RBMS3: variants seen among roughly 807,000 people sequenced by gnomAD.
RBMS3 encodes RNA-binding motif, single-stranded-interacting protein 3.
Under a neutral mutation model 66.8 loss-of-function variants are expected in RBMS3, and 27 were observed. That is an observed-to-expected ratio of 0.40 (90% CI 0.30 to 0.56). The LOEUF is 0.56. Ranked by LOEUF, RBMS3 falls within the 20% of genes least tolerant of loss-of-function variation. The pLI is 0.40. For missense variants in RBMS3, 513 were observed against 549.5 expected (o/e 0.93, Z 0.66); for synonymous variants, 188 against 183.0 (o/e 1.03, Z -0.22).
intron 6 of RBMS3, among the ~76,000 whole-genome samples, chr3:29,830,930 T>C (rs2058354881): frequency 6.6e-6 from 1 of 152,130 alleles, no homozygotes; most frequent in South Asian, 2.1e-4. Flanking sequence ...AGATTCCAGA[T>C]TTCTGTGTCC....
rs1324640882 is a variant in RBMS3 at position 29,470,320 on chromosome 3, ATCAAAAGAAGTCTTCAGAAGTCAAAGAC to A, written c.249-18100_249-18073del. On this transcript the variant is annotated intron_variant, in intron 2 of 14. Transcript: ENST00000383767. ...CAATTGAAATTCTATAGTTTCAAAG[ATCAAAAGAAGTCTTCAGAAGTCAAAGAC>A]TCAAAAGAAGTCTTCAGAAGACATG... Among the ~76,000 whole-genome samples, 8 of 152,128 alleles carry A rather than the reference ATCAAAAGAAGTCTTCAGAAGTCAAAGAC, an allele frequency of 5.3e-5. No individual in the cohort carries two copies. The East Asian group carries it at 1.5e-3, about 29-fold the overall frequency.
chr3:29,304,016 T>C (rs753702468), intron 1 of RBMS3, among the ~76,000 whole-genome samples: 11 of 151,978 alleles, frequency 7.2e-5, no homozygotes, highest in Non-Finnish European at 1.6e-4. Context: ...ACTGCCCCCA[T>C]GATTCAAATT....
At chr3:29,917,475 G>A (rs909897745) in intron 10 of RBMS3, among the ~76,000 whole-genome samples, 2 of 152,072 alleles carry the variant, frequency 1.3e-5, no homozygotes, top group African/African-American at 2.4e-5. Context: ...TATAAATTAT[G>A]TATAGTCCCT....
intron 6 of RBMS3, among the ~76,000 whole-genome samples, chr3:29,843,455 C>A (rs902966254): frequency 6.6e-6 from 1 of 152,280 alleles, no homozygotes; most frequent in East Asian, 1.9e-4. Flanking sequence ...GAACTGAATT[C>A]ATAGGTATGT....
intron 3 of RBMS3, among the ~76,000 whole-genome samples, chr3:29,536,298 A>G (rs913284684): frequency 2.0e-5 from 3 of 152,226 alleles, no homozygotes. Flanking sequence ...TTGTATGTGC[A>G]TGTGACTATT....
intron 3 of RBMS3, among the ~76,000 whole-genome samples, chr3:29,561,787 A>C (rs2046565701): frequency 6.6e-6 from 1 of 152,130 alleles, no homozygotes; most frequent in Non-Finnish European, 1.5e-5. Flanking sequence ...GACTGGTATT[A>C]GATGGTGTGG....
chr3:29,764,231 A>T (rs2055829412), intron 6 of RBMS3, among the ~76,000 whole-genome samples: 2 of 152,012 alleles, frequency 1.3e-5, no homozygotes, highest in Admixed American at 6.6e-5. Context: ...TACAGTGAAG[A>T]CTGTGCCTTG....
At chr3:29,640,276 A>ACC (rs982379240) in intron 4 of RBMS3, among the ~76,000 whole-genome samples, 6 of 150,560 alleles carry the variant, frequency 4.0e-5, no homozygotes, top group African/African-American at 1.5e-4. Flanking sequence ...ACACACACAC[A>ACC]CACACACACC....
At chr3:29,643,206 CCA>C (rs1255469057) in intron 4 of RBMS3, among the ~76,000 whole-genome samples, 2 of 152,044 alleles carry the variant, frequency 1.3e-5, no homozygotes, top group South Asian at 2.1e-4. Flanking sequence ...AATCTGACAG[CCA>C]CAGTCAGGGA....
intron 10 of RBMS3, among the ~76,000 whole-genome samples, chr3:29,907,784 A>T (rs1476377559): frequency 6.6e-6 from 1 of 152,150 alleles, no homozygotes; most frequent in African/African-American, 2.4e-5. Context: ...AACAATTTTA[A>T]ATAGCATTAA....
intron 4 of RBMS3, among the ~76,000 whole-genome samples, chr3:29,725,121 C>G (rs768001136): frequency 3.3e-5 from 5 of 152,148 alleles, no homozygotes; most frequent in Non-Finnish European, 5.9e-5. Flanking sequence ...CCACGAGTAC[C>G]TCCATTTGTT....
chr3:29,626,068 T>G lies in RBMS3; in HGVS notation c.399+38863T>G, dbSNP rs112775532. 2.2e-3 allele frequency among the ~76,000 whole-genome samples: 337 copies of G among 152,312 alleles called. 2 individuals carry two copies. The highest frequency in any genetic ancestry group is 7.7e-3 in the African/African-American group (319 of 41,572). ...TGTGTATGTGATGGGTGCCTATGCT[T>G]AATTACATGAGCATTTGATTATAAA... On this transcript the variant is annotated intron_variant, in intron 4 of 14. Transcript: ENST00000383767.
chr3:29,842,890 A>G (rs1276419928), intron 6 of RBMS3, among the ~76,000 whole-genome samples: 1 of 152,240 alleles, frequency 6.6e-6, no homozygotes, highest in African/African-American at 2.4e-5. Flanking sequence ...GCTTGCCTAA[A>G]GCCTCCAGAA....
intron 6 of RBMS3, among the ~76,000 whole-genome samples, chr3:29,788,026 C>T (rs888440930): frequency 4.6e-5 from 7 of 152,126 alleles, no homozygotes; most frequent in African/African-American, 1.7e-4. Context: ...TCTTTCTTTC[C>T]TGTGACACAG....
intron 4 of RBMS3, among the ~76,000 whole-genome samples, chr3:29,648,022 A>C (rs983224371): frequency 6.6e-6 from 1 of 152,084 alleles, no homozygotes; most frequent in African/African-American, 2.4e-5. Context: ...AAATAATGAG[A>C]CATGGAAACC....
rs2046172169 is a variant in RBMS3, at chr3:29,551,320, T to A, written c.308-35794T>A. On this transcript the variant is annotated intron_variant, in intron 3 of 14. Coordinates refer to ENST00000383767, the MANE Select transcript of RBMS3 (RefSeq NM_001003793.3). ...TGACAGATGATGTCCTTGAAGATGA[T>A]CAGGAAACATGGGAGAGAGCATTGC... 2.0e-5 allele frequency among the ~76,000 whole-genome samples: 3 copies of A among 152,182 alleles called. No homozygotes were observed. In the South Asian group the frequency reaches 6.2e-4, roughly 31 times the overall value.
chr3:29,897,289 A>G, intron 8 of RBMS3, 90 bp from the exon 9 acceptor site: 2 of 1,156,376 alleles, frequency 1.7e-6, no homozygotes, highest in Non-Finnish European at 2.6e-6. Flanking sequence ...GGGTGGAAAT[A>G]TGTCTTTCCC....
intron 1 of RBMS3, among the ~76,000 whole-genome samples, chr3:29,365,601 C>T (rs2037856657): frequency 6.6e-6 from 1 of 152,068 alleles, no homozygotes; most frequent in South Asian, 2.1e-4. Context: ...TATTCGTTCC[C>T]TCCGGCCCAT....
chr3:29,282,780 T>G (rs1194378609), intron 1 of RBMS3, among the ~76,000 whole-genome samples: 1 of 152,156 alleles, frequency 6.6e-6, no homozygotes, highest in African/African-American at 2.4e-5. Flanking sequence ...GAATGATCTA[T>G]GCTGTCACCA....
Sources: allele counts gnomAD v4.1 joint callset (sites outside exome capture counted in the v4.1 genomes callset), GRCh38; gene constraint gnomAD v4.1.1; transcripts MANE v1.5; gene names NCBI Gene and HGNC (gene_info 2026-07-23, HGNC 2026-07-21).